The following MACF1 variants were observed in gnomAD, a reference collection of about 807,000 sequenced individuals.
MACF1 encodes the protein microtubule actin crosslinking factor 1, also known as microtubule-actin cross-linking factor 1.
In MACF1, 193 loss-of-function variants were observed where a neutral mutation model predicts 854.8. The ratio of observed to expected loss-of-function variants is 0.23; its 90% CI spans 0.20 to 0.25. The LOEUF is 0.25. MACF1 is among the 10% of genes least tolerant of loss of function. MACF1 has a pLI of 1.00. For missense variants in MACF1, 7,722 were observed against 8,929.1 expected (o/e 0.86, Z 5.45); for synonymous variants, 3,185 against 3,226.7 (o/e 0.99, Z 0.44).
chr1:39,432,610 C>A lies in MACF1; in HGVS notation c.17413C>A (p.Arg5805Ser). 2 of 1,614,046 alleles carry A rather than the reference C, an allele frequency of 1.2e-6. No individual in the cohort carries two copies. Among genetic ancestry groups the A allele is most frequent in the South Asian group, 2.2e-5 (2 of 91,084 alleles). The change falls in exon 67 of 101, where the codon CGC (arginine) becomes AGC (serine). Residue 5805 changes from arginine to serine, a missense_variant. By Grantham distance (110) the Arg-to-Ser change is moderately radical. Coordinates refer to ENST00000564288, the MANE Select transcript of MACF1 (RefSeq NM_001394062.1). ...GAAACTGATGGCTCTGGGTCCAATTCGCCTGGAACAGGACCAGACCACAGC... is the reference window on the plus strand; with the variant it reads ...GAAACTGATGGCTCTGGGTCCAATTAGCCTGGAACAGGACCAGACCACAGC... The part of the protein sequence containing the change: ...KRKLMALGPI[R>S]LEQDQTTAQL...
chr1:39,468,869 A>G, intron 96 of MACF1, 137 bp downstream of exon 96: 2 of 736,630 alleles, frequency 2.7e-6, no homozygotes, highest in Non-Finnish European at 2.3e-6. Flanking sequence ...TCCCACTAGC[A>G]CAGATTAGAA....
intron 1 of MACF1, among the ~76,000 whole-genome samples, chr1:39,207,389 T>C (rs1453343511): frequency 6.6e-6 from 1 of 151,952 alleles, no homozygotes; most frequent in Non-Finnish European, 1.5e-5. Context: ...CAAGTGATTC[T>C]CCTGCCTCAG....
chr1:39,310,178 A>G, intron 24 of MACF1, 67 bp from the exon 25 acceptor site: 1 of 1,306,274 alleles, frequency 7.7e-7, no homozygotes. Flanking sequence ...ACTTCAGTAA[A>G]ATGGAGGAAA....
At chr1:39,379,042 T>C (rs1649963591) in intron 53 of MACF1, among the ~76,000 whole-genome samples, 161 bp from the exon 54 acceptor site, 1 of 152,204 alleles carries the variant, frequency 6.6e-6, no homozygotes, top group Admixed American at 6.6e-5. Context: ...AGAATGCTTT[T>C]GTTTTGTGTA....
At position 39,358,768 on chromosome 1, in the gene MACF1, C is replaced by T. The variant is rs1647816572; in HGVS notation, c.12015C>T (p.Ser4005=). The change falls in exon 46 of 101, where the codon AGC becomes AGT. Residue 4005 remains serine, a synonymous_variant. Transcript: ENST00000564288. ...ATCAATTCCAAAACAGTGCTGACAG[C>T]CTGCAGGCCTGGATGCAGGCTTGTG... ...QYHQFQNSAD[S]LQAWMQACEA... 3 of 1,614,070 alleles carry T rather than the reference C, an allele frequency of 1.9e-6. No homozygotes were observed. The highest frequency in any genetic ancestry group is 2.5e-6 in the Non-Finnish European group (3 of 1,179,974).
chr1:39,486,700 A>G lies in MACF1; in HGVS notation c.*906A>G, dbSNP rs1645104497. The G allele has an allele frequency of 6.6e-6, 1 of 152,618 alleles. No homozygotes were observed. Among genetic ancestry groups the G allele is most frequent in the Admixed American group, 6.5e-5 (1 of 15,278 alleles). 9.5% of individuals were successfully genotyped at this position (152,618 alleles called of 1,614,324 possible). On this transcript the variant is annotated 3_prime_UTR_variant, in exon 101 of 101. Coordinates refer to ENST00000564288, the MANE Select transcript of MACF1 (RefSeq NM_001394062.1). ...CCACGAGCCTGTTCTGAAAATGTGG[A>G]CGTAAGACAAACACGTGCTCGTCCT...
At position 39,167,713 on chromosome 1, in the gene MACF1, G is replaced by GA. The variant is rs199507371; in HGVS notation, c.221-63458dup. The stretch of plus-strand genomic sequence containing the variant: ...AAGAGTGAAACTCTGTCTCAAAAAA[G>GA]AAAAAAAAAAATTAGCTGGGTGTGG... On this transcript the variant is annotated intron_variant, in intron 2 of 93. Coordinates refer to the MACF1 transcript ENST00000361689. 1.0e-2 allele frequency among the ~76,000 whole-genome samples: 1,415 copies of GA among 141,700 alleles called. 28 individuals are homozygous for GA. The highest frequency in any genetic ancestry group is 0.035 in the African/African-American group (1,335 of 38,694). The allele number at this position is 141,700 out of a possible 152,430, so 93.0% of individuals were successfully genotyped here. A position where few individuals can be genotyped will look rare whatever the true frequency, so the allele number is the denominator to read the frequency against.
At chr1:39,231,716 T>G (rs1462240724) in intron 2 of MACF1, among the ~76,000 whole-genome samples, 2 of 152,000 alleles carry the variant, frequency 1.3e-5, no homozygotes, top group Non-Finnish European at 2.9e-5. Context: ...ATTTATTAAT[T>G]TATTTTAAAA....
At chr1:39,094,366 C>T (rs1252339662) in intron 2 of MACF1, among the ~76,000 whole-genome samples, 1 of 150,900 alleles carries the variant, frequency 6.6e-6, no homozygotes, top group African/African-American at 2.4e-5. Context: ...CACGCCATTG[C>T]ACTTCAGCCT....
At chr1:39,112,298 C>T (rs1642431481) in intron 2 of MACF1, among the ~76,000 whole-genome samples, 1 of 152,012 alleles carries the variant, frequency 6.6e-6, no homozygotes, top group Non-Finnish European at 1.5e-5. Context: ...ATTGGCCAGG[C>T]TGGTCTCAAA....
intron 1 of MACF1, among the ~76,000 whole-genome samples, chr1:39,220,422 C>T (rs1644636749): frequency 1.3e-5 from 2 of 151,732 alleles, no homozygotes; most frequent in Non-Finnish European, 2.9e-5. Flanking sequence ...ATCTGCCCAC[C>T]TCAGCCTCCC....
rs767909977 is a variant in MACF1 at position 39,334,870 on chromosome 1, T to G, written c.8282T>G (p.Ile2761Arg). 6.2e-7 allele frequency: 1 copy of G among 1,614,148 alleles called. No individual in the cohort carries two copies. Among genetic ancestry groups the G allele is most frequent in the Non-Finnish European group, 8.5e-7 (1 of 1,180,008 alleles). Reference sequence around the variant, plus strand: ...CCTGAACTGGCAAATATGATCCAAATAGATAGTTCAGAGTTCAGCGATCAC... The same window carrying G: ...CCTGAACTGGCAAATATGATCCAAAGAGATAGTTCAGAGTTCAGCGATCAC... The part of the protein sequence containing the change: ...ISPELANMIQ[I>R]DSSEFSDHRA... The change falls in exon 37 of 101, where the codon ATA (isoleucine) becomes AGA (arginine). Residue 2761 changes from isoleucine (I) to arginine (R), a missense_variant. Coordinates refer to ENST00000564288, the MANE Select transcript of MACF1 (RefSeq NM_001394062.1).
chr1:39,355,264 C>T (rs1647439436), intron 44 of MACF1, among the ~76,000 whole-genome samples: 1 of 152,100 alleles, frequency 6.6e-6, no homozygotes, highest in Non-Finnish European at 1.5e-5. Flanking sequence ...TCCTCTGACA[C>T]CTTTTGCTGG....
rs1444896115 is a variant in MACF1 at position 39,332,675 on chromosome 1, A to T, written c.6087A>T (p.Gly2029=). The T allele has an allele frequency of 3.1e-6, 5 of 1,614,028 alleles. No homozygotes were observed. Among genetic ancestry groups the T allele is most frequent in the Non-Finnish European group, 4.2e-6 (5 of 1,180,016 alleles). Residue 2029 remains glycine, a synonymous_variant, in exon 37 of 101, where the codon GGA becomes GGT. Coordinates refer to ENST00000564288, the MANE Select transcript of MACF1 (RefSeq NM_001394062.1). The part of the protein sequence containing the change: ...LQESANVKIS[G]TFSSGWTVRL... ...AATCAGCTAATGTGAAAATCTCAGG[A>T]ACTTTCAGCAGTGGGTGGACTGTGA...
At chr1:39,255,154 A>T (rs1027175499) in intron 5 of MACF1, among the ~76,000 whole-genome samples, 1 of 152,228 alleles carries the variant, frequency 6.6e-6, no homozygotes, top group Non-Finnish European at 1.5e-5. Context: ...GCCTTCTGAC[A>T]TGCAGTTTAG....
At chr1:39,484,109 C>T (rs1645063869) in intron 99 of MACF1, among the ~76,000 whole-genome samples, 1 of 152,172 alleles carries the variant, frequency 6.6e-6, no homozygotes, top group Non-Finnish European at 1.5e-5. Context: ...TCCGAGATTG[C>T]ACCACTGCAC....
chr1:39,134,035 T>TG (rs1491316210), intron 2 of MACF1, among the ~76,000 whole-genome samples: 4 of 5,530 alleles, frequency 7.2e-4, no homozygotes, highest in Non-Finnish European at 2.4e-3. Flanking sequence ...AAGAACAGTC[T>TG]TTTTTTTTTT....
Position 39,480,911 on chromosome 1 carries a change from G to A in MACF1, c.22171-9G>A, listed in dbSNP as rs1025200381. ...TTCCTGTCCTTCCCTTTGGATTTCCGTTTCACAGACTTCACTTCAGTTCTC... is the reference window on the plus strand; with the variant it reads ...TTCCTGTCCTTCCCTTTGGATTTCCATTTCACAGACTTCACTTCAGTTCTC... On this transcript the variant is annotated splice_polypyrimidine_tract_variant and intron_variant, in intron 98 of 100. Transcript: ENST00000564288. 2.7e-5 allele frequency: 40 copies of A among 1,487,832 alleles called. No individual in the cohort carries two copies. Among genetic ancestry groups the A allele is most frequent in the South Asian group, 4.9e-5 (4 of 82,112 alleles). 92.2% of individuals were successfully genotyped at this position (1,487,832 alleles called of 1,614,324 possible).
At chr1:39,123,943 G>T (rs1036981628) in intron 2 of MACF1, among the ~76,000 whole-genome samples, 13 of 151,872 alleles carry the variant, frequency 8.6e-5, no homozygotes, top group African/African-American at 3.1e-4. Context: ...GGCCAGGCTG[G>T]TCTCAAACTG....
Sources: gnomAD v4.1 joint callset for allele counts (sites outside exome capture counted in the v4.1 genomes callset) on GRCh38, gnomAD v4.1.1 for gene constraint, MANE v1.5 for transcripts, NCBI Gene and HGNC (gene_info 2026-07-23, HGNC 2026-07-21) for gene names.